Variants in MFSD6 observed in about 807,000 individuals in gnomAD.
MFSD6 encodes major facilitator superfamily domain-containing protein 6.
In MFSD6, 26 loss-of-function variants were observed where a neutral mutation model predicts 56.3. That is an observed-to-expected ratio of 0.46 (90% CI 0.34 to 0.64). The LOEUF is 0.64. MFSD6 is among the 30% of genes least tolerant of loss of function. The pLI is 0.01. For missense variants in MFSD6, 750 were observed against 986.2 expected (o/e 0.76, Z 3.21); for synonymous variants, 331 against 366.9 (o/e 0.90, Z 1.12).
At chr2:190,442,559 C>T (rs369103712) in intron 3 of MFSD6, 1 of 152,006 alleles carries the variant, frequency 6.6e-6, no homozygotes, top group African/African-American at 2.4e-5. Flanking sequence ...AGAGACGGTA[C>T]AGGCCTGAAC....
At chr2:190,440,318 CACAT>C (rs1330408005) in intron 3 of MFSD6, among the ~76,000 whole-genome samples, 1 of 152,228 alleles carries the variant, frequency 6.6e-6, no homozygotes, top group African/African-American at 2.4e-5. Flanking sequence ...TAAACACACA[CACAT>C]AGAGTATCTG....
At chr2:190,414,109 C>T (rs1398779841) in intron 1 of MFSD6, among the ~76,000 whole-genome samples, 8 of 151,888 alleles carry the variant, frequency 5.3e-5, no homozygotes, top group Non-Finnish European at 1.0e-4. Flanking sequence ...GTTCCTGGGG[C>T]CTGTCTGGGG....
chr2:190,411,647 A>G, intron 1 of MFSD6: 1 of 980,602 alleles, frequency 1.0e-6, no homozygotes, highest in Non-Finnish European at 1.2e-6. Context: ...CCAAAGTAAG[A>G]TAAAATTGAA....
At chr2:190,493,250 C>A (rs552872717) in intron 6 of MFSD6, among the ~76,000 whole-genome samples, 1 of 152,032 alleles carries the variant, frequency 6.6e-6, no homozygotes, top group South Asian at 2.1e-4. Flanking sequence ...TCAGACAAAG[C>A]AAACATAAAA....
Position 190,439,571 on chromosome 2 carries a change from C to T in MFSD6, c.1532+2010C>T, listed in dbSNP as rs890876600. 6.6e-6 allele frequency among the ~76,000 whole-genome samples: 1 copy of T among 152,174 alleles called. No individual in the cohort carries two copies. The highest frequency in any genetic ancestry group is 1.5e-5 in the Non-Finnish European group (1 of 68,028). On this transcript the variant is annotated intron_variant, in intron 3 of 7. Transcript: ENST00000392328. This position sits in a 1 kb window ranked among gnomAD's most constrained non-coding sequence, Gnocchi z 5.8. ...TGATAAAATCCTAGTGGGTTTACTA[C>T]TCCTTTGGTAAGCTTAGACTTGTGT...
rs1036705614 is a variant in MFSD6 at position 190,469,337 on chromosome 2, C to A, written c.1533-421C>A. Among the ~76,000 whole-genome samples the A allele has an allele frequency of 6.6e-6, 1 of 152,096 alleles. No individual in the cohort carries two copies. The highest frequency in any genetic ancestry group is 2.4e-5 in the African/African-American group (1 of 41,410). ...CATATTCTCATTTTTATCCTTCCTT[C>A]CCCCATTGTAGTGAAGTGGTTACAA... On this transcript the variant is annotated intron_variant, in intron 3 of 7. Coordinates refer to ENST00000392328, the MANE Select transcript of MFSD6 (RefSeq NM_017694.4). This position sits in a 1 kb window ranked among gnomAD's most constrained non-coding sequence, Gnocchi z 5.3.
rs1687063373 is a variant in MFSD6, at chr2:190,456,808, A to T, written c.1533-12950A>T. ...TACCTGCAGTTTCTGTGGCTACCTC[A>T]GCAGAAATGATCTTTCAGCGCATTT... On this transcript the variant is annotated intron_variant, in intron 3 of 7. Transcript: ENST00000392328. The surrounding 1 kb of genome is among the most constrained non-coding windows in gnomAD (Gnocchi z 5.4). Among the ~76,000 whole-genome samples the T allele has an allele frequency of 6.6e-6, 1 of 152,186 alleles. No individual in the cohort carries two copies. The highest frequency in any genetic ancestry group is 2.4e-5 in the African/African-American group (1 of 41,448).
chr2:190,465,009 A>G lies in MFSD6; in HGVS notation c.1533-4749A>G. Reference sequence around the variant, plus strand: ...ACTGTTAGGAATTACAGAATGACTCATAATTCATTGTATCTATATCTTGAA... The same window carrying G: ...ACTGTTAGGAATTACAGAATGACTCGTAATTCATTGTATCTATATCTTGAA... On this transcript the variant is annotated intron_variant, in intron 3 of 7. Transcript: ENST00000392328. This position sits in a 1 kb window ranked among gnomAD's most constrained non-coding sequence, Gnocchi z 4.6. 3.0e-6 allele frequency: 2 copies of G among 663,556 alleles called. No individual in the cohort carries two copies. Among genetic ancestry groups the G allele is most frequent in the Non-Finnish European group, 1.9e-6 (1 of 534,722 alleles). The allele number at this position is 663,556 out of a possible 1,614,324, so 41.1% of individuals were successfully genotyped here.
intron 4 of MFSD6, among the ~76,000 whole-genome samples, chr2:190,476,191 C>G (rs1688293967): frequency 6.6e-6 from 1 of 151,916 alleles, no homozygotes; most frequent in Non-Finnish European, 1.5e-5. Context: ...GCAATGGCAA[C>G]AAAAGCCAAA....
intron 2 of MFSD6, among the ~76,000 whole-genome samples, chr2:190,432,115 ACT>A (rs1686025609): frequency 6.6e-6 from 1 of 152,122 alleles, no homozygotes; most frequent in African/African-American, 2.4e-5. Flanking sequence ...GGTCTTGATA[ACT>A]CTGAGTTCCT....
rs1355380752 is a variant in MFSD6 at position 190,488,224 on chromosome 2, A to G, written c.1631-433A>G. Among the ~76,000 whole-genome samples, 1 of 152,168 alleles carries G rather than the reference A, an allele frequency of 6.6e-6. No individual in the cohort carries two copies. On this transcript the variant is annotated intron_variant, in intron 4 of 7. Transcript: ENST00000392328. The surrounding 1 kb of genome is among the most constrained non-coding windows in gnomAD (Gnocchi z 6.4). ...CCACTCAAAAGAATTTAAATCAAAG[A>G]CTCAGATACTTGCATACCAGGTTGA...
rs1342490005 is a variant in MFSD6, at chr2:190,488,193, G to A, written c.1631-464G>A. Among the ~76,000 whole-genome samples, 5 of 152,140 alleles carry A rather than the reference G, an allele frequency of 3.3e-5. No homozygotes were observed. The highest frequency in any genetic ancestry group is 7.4e-5 in the Non-Finnish European group (5 of 68,026). ...TGGGATTACAGGCGTGAGCCACTGCGCCCAGCCACTCAAAAGAATTTAAAT... is the reference window on the plus strand; with the variant it reads ...TGGGATTACAGGCGTGAGCCACTGCACCCAGCCACTCAAAAGAATTTAAAT... On this transcript the variant is annotated intron_variant, in intron 4 of 7. Transcript: ENST00000392328. The surrounding 1 kb of genome is among the most constrained non-coding windows in gnomAD (Gnocchi z 6.4).
At chr2:190,442,060 A>G (rs1263920445) in intron 3 of MFSD6, among the ~76,000 whole-genome samples, 1 of 152,236 alleles carries the variant, frequency 6.6e-6, no homozygotes, top group African/African-American at 2.4e-5. Flanking sequence ...AAGCAAAAAG[A>G]TGGTAGACCT....
In MFSD6 at chr2:190,411,513, T is replaced by C. The variant is rs1010343770; in HGVS notation, c.-176+3010T>C. ...GATGGAGAAAAGAGGATGTTTTTGCTTTTTACCTTATAAAGTTATGTTTGG... is the reference window on the plus strand; with the variant it reads ...GATGGAGAAAAGAGGATGTTTTTGCCTTTTACCTTATAAAGTTATGTTTGG... On this transcript the variant is annotated intron_variant, in intron 1 of 7. Coordinates refer to ENST00000392328, the MANE Select transcript of MFSD6 (RefSeq NM_017694.4). 5.1e-6 allele frequency: 5 copies of C among 985,298 alleles called. No homozygotes were observed. In the South Asian group the frequency reaches 1.4e-4, roughly 28 times the overall value. 61.0% of individuals were successfully genotyped at this position (985,298 alleles called of 1,614,324 possible). A position where few individuals can be genotyped will look rare whatever the true frequency, so the allele number is the denominator to read the frequency against.
chr2:190,419,108 T>C (rs1690907222), intron 2 of MFSD6, among the ~76,000 whole-genome samples: 1 of 152,146 alleles, frequency 6.6e-6, no homozygotes. Context: ...TTCATGACAT[T>C]GGCTAAATGT....
At position 190,485,342 on chromosome 2, in the gene MFSD6, A is replaced by G. The variant is rs1688950086; in HGVS notation, c.1631-3315A>G. Among the ~76,000 whole-genome samples, 1 of 152,184 alleles carries G rather than the reference A, an allele frequency of 6.6e-6. No homozygotes were observed. The highest frequency in any genetic ancestry group is 1.5e-5 in the Non-Finnish European group (1 of 68,004). ...GTAAATCCTGCAATTGATTGCTTAG[A>G]CATACACATAACAAGAGGTTTGGCG... On this transcript the variant is annotated intron_variant, in intron 4 of 7. Coordinates refer to ENST00000392328, the MANE Select transcript of MFSD6 (RefSeq NM_017694.4). This position sits in a 1 kb window ranked among gnomAD's most constrained non-coding sequence, Gnocchi z 5.1.
chr2:190,409,857 A>G (rs1369686835), intron 1 of MFSD6, among the ~76,000 whole-genome samples: 2 of 152,200 alleles, frequency 1.3e-5, no homozygotes, highest in Non-Finnish European at 2.9e-5. Flanking sequence ...AGTGATAGTC[A>G]GATGGCTTGT....
At chr2:190,428,446 AT>A (rs2125022021) in intron 2 of MFSD6, among the ~76,000 whole-genome samples, 1 of 152,256 alleles carries the variant, frequency 6.6e-6, no homozygotes, top group East Asian at 1.9e-4. Context: ...GTTGCTCCAC[AT>A]CCTCATCAAC....
chr2:190,416,634 C>T lies in MFSD6; in HGVS notation c.-54+1221C>T, dbSNP rs1345479077. Among the ~76,000 whole-genome samples the T allele has an allele frequency of 1.3e-5, 2 of 152,108 alleles. No individual in the cohort carries two copies. Among genetic ancestry groups the T allele is most frequent in the African/African-American group, 4.8e-5 (2 of 41,422 alleles). ...GTGCCAAATAATTCTGGGAAAAGTG[C>T]TTTTGGCATAATTGCAAAATAAGAC... On this transcript the variant is annotated intron_variant, in intron 2 of 7. Coordinates refer to ENST00000392328, the MANE Select transcript of MFSD6 (RefSeq NM_017694.4). The surrounding 1 kb of genome is among the most constrained non-coding windows in gnomAD (Gnocchi z 4.1).
Sources: allele counts gnomAD v4.1 joint callset (sites outside exome capture counted in the v4.1 genomes callset), GRCh38; gene constraint gnomAD v4.1.1; non-coding constraint Gnocchi (gnomAD v3.1); transcripts MANE v1.5; gene names NCBI Gene and HGNC (gene_info 2026-07-23, HGNC 2026-07-21).